RNF169: variants seen among roughly 807,000 people sequenced by gnomAD.
RNF169 encodes E3 ubiquitin-protein ligase RNF169.
Under a neutral mutation model 53.9 loss-of-function variants are expected in RNF169, and 24 were observed. That is an observed-to-expected ratio of 0.45 (90% CI 0.32 to 0.63). The LOEUF is 0.63. Ranked by LOEUF, RNF169 falls within the 20% of genes least tolerant of loss-of-function variation. RNF169 has a pLI of 0.04. For synonymous variants in RNF169, 396 were observed against 363.5 expected (o/e 1.09, Z -1.02); for missense variants, 883 against 906.2 (o/e 0.97, Z 0.33).
chr11:74,782,738 A>G (rs1252700476), intron 1 of RNF169, among the ~76,000 whole-genome samples: 1 of 152,140 alleles, frequency 6.6e-6, no homozygotes, highest in Non-Finnish European at 1.5e-5. Flanking sequence ...TTTATAACAT[A>G]TTAGTATAAC....
chr11:74,822,508 TAGAC>T (rs953420988), intron 4 of RNF169, among the ~76,000 whole-genome samples: 5 of 152,214 alleles, frequency 3.3e-5, no homozygotes, highest in African/African-American at 7.2e-5. Context: ...TGTGTTCAGA[TAGAC>T]AGAGCTTTCC....
At chr11:74,749,446 G>T (rs1026630178) in intron 1 of RNF169, 64 bp downstream of exon 1, 11 of 1,190,460 alleles carry the variant, frequency 9.2e-6, no homozygotes, top group Non-Finnish European at 1.0e-5. Context: ...GCCCGGCCTG[G>T]TGAGGGGGTG....
At chr11:74,782,439 A>G (rs2035429355) in intron 1 of RNF169, among the ~76,000 whole-genome samples, 1 of 152,182 alleles carries the variant, frequency 6.6e-6, no homozygotes, top group Non-Finnish European at 1.5e-5. Context: ...TGAACTGTGC[A>G]TGCAAGGGAT....
At chr11:74,803,775 C>T (rs2035766397) in intron 2 of RNF169, among the ~76,000 whole-genome samples, 1 of 152,090 alleles carries the variant, frequency 6.6e-6, no homozygotes, top group Admixed American at 6.6e-5. Context: ...GTATCCATCA[C>T]CTAGATTCAG....
chr11:74,809,184 T>G (rs1305518416), intron 2 of RNF169, among the ~76,000 whole-genome samples: 2 of 152,174 alleles, frequency 1.3e-5, no homozygotes, highest in African/African-American at 4.8e-5. Flanking sequence ...TTCTTTAGCT[T>G]AATTTTTTTC....
intron 4 of RNF169, among the ~76,000 whole-genome samples, chr11:74,819,883 A>G (rs1186936353): frequency 1.3e-5 from 2 of 152,134 alleles, no homozygotes; most frequent in Non-Finnish European, 2.9e-5. Context: ...CCGTAGCTAC[A>G]TTGTTTTGTT....
At chr11:74,790,460 G>A (rs2035563493) in intron 2 of RNF169, among the ~76,000 whole-genome samples, 1 of 152,214 alleles carries the variant, frequency 6.6e-6, no homozygotes, top group Non-Finnish European at 1.5e-5. Context: ...TATTGTCACA[G>A]GATCCTTGGG....
chr11:74,836,870 T>C lies in RNF169; in HGVS notation c.*140T>C, dbSNP rs937659022. The C allele has an allele frequency of 3.0e-6, 2 of 661,598 alleles. No homozygotes were observed. Among genetic ancestry groups the C allele is most frequent in the Non-Finnish European group, 5.0e-6 (2 of 400,070 alleles). The allele number at this position is 661,598 out of a possible 1,614,324, so 41.0% of individuals were successfully genotyped here. ...GTTCTGAGAGGTTCCAGGGCCTTTG[T>C]AGTCAATATCCAAGGGAAAAGCATC... On this transcript the variant is annotated 3_prime_UTR_variant, in exon 6 of 6. Transcript: ENST00000299563.
At chr11:74,754,906 C>G (rs190813033) in intron 1 of RNF169, among the ~76,000 whole-genome samples, 2 of 152,298 alleles carry the variant, frequency 1.3e-5, no homozygotes, top group East Asian at 3.9e-4. Flanking sequence ...TCTCAACTTC[C>G]CTGTTCACTT....
intron 1 of RNF169, among the ~76,000 whole-genome samples, chr11:74,777,652 ATT>A (rs35842788): frequency 5.4e-5 from 8 of 146,860 alleles, no homozygotes; most frequent in Admixed American, 6.8e-5. Flanking sequence ...GTTGTCTTAA[ATT>A]TTTTTTTTTT....
intron 2 of RNF169, among the ~76,000 whole-genome samples, chr11:74,797,847 C>T (rs2035671497): frequency 6.6e-6 from 1 of 152,168 alleles, no homozygotes; most frequent in South Asian, 2.1e-4. Context: ...CGGCTGAAGC[C>T]ATGGCAGAAG....
intron 2 of RNF169, among the ~76,000 whole-genome samples, chr11:74,801,197 A>G (rs1056123604): frequency 1.3e-5 from 2 of 152,172 alleles, no homozygotes; most frequent in African/African-American, 2.4e-5. Context: ...CTTTGGTGCT[A>G]TTTATGTGGT....
At chr11:74,811,760 C>G (rs367952776) in intron 3 of RNF169, among the ~76,000 whole-genome samples, 5 of 152,118 alleles carry the variant, frequency 3.3e-5, no homozygotes, top group African/African-American at 1.2e-4. Flanking sequence ...ACTCTTAATG[C>G]TCTGAACATT....
chr11:74,754,546 C>T (rs116970813), intron 1 of RNF169, among the ~76,000 whole-genome samples: 5,797 of 152,224 alleles, frequency 0.038, 183 homozygotes, highest in Non-Finnish European at 0.053. Flanking sequence ...ATAGGCCAGG[C>T]GCGGTGGCTC....
chr11:74,831,883 G>C (rs2036184177), intron 4 of RNF169: 1 of 152,146 alleles, frequency 6.6e-6, no homozygotes, highest in African/African-American at 2.4e-5. Flanking sequence ...AGGGTGCCAA[G>C]ACCATTCAGT....
intron 1 of RNF169, among the ~76,000 whole-genome samples, chr11:74,781,571 A>T (rs2035417329): frequency 6.6e-6 from 1 of 152,250 alleles, no homozygotes; most frequent in East Asian, 1.9e-4. Flanking sequence ...GTACACATAT[A>T]TATCTTTAAG....
chr11:74,804,844 A>G (rs927030038), intron 2 of RNF169, among the ~76,000 whole-genome samples: 2 of 152,236 alleles, frequency 1.3e-5, no homozygotes, highest in Non-Finnish European at 2.9e-5. Context: ...GAATATATAA[A>G]GAACTCTTGC....
chr11:74,804,783 A>G (rs2035781549), intron 2 of RNF169, among the ~76,000 whole-genome samples: 1 of 152,204 alleles, frequency 6.6e-6, no homozygotes, highest in African/African-American at 2.4e-5. Flanking sequence ...AGTTTCTGAG[A>G]ACCTATGGAC....
chr11:74,836,023 GAGA>G lies in RNF169; in HGVS notation c.1423_1425del (p.Lys475del). On this transcript the variant is annotated inframe_deletion, in exon 6 of 6. Transcript: ENST00000299563. Reference sequence around the variant, plus strand: ...CTCTGAAGGTATCCATTCTAGCAAGGAGAAGCCACTTGTGGCTGTAAATACAAG... The same window carrying G: ...CTCTGAAGGTATCCATTCTAGCAAGGAGCCACTTGTGGCTGTAAATACAAG... 1 of 1,614,188 alleles carries G rather than the reference GAGA, an allele frequency of 6.2e-7. No homozygotes were observed. Among genetic ancestry groups the G allele is most frequent in the Non-Finnish European group, 8.5e-7 (1 of 1,180,036 alleles).
Sources: allele counts gnomAD v4.1 joint callset (sites outside exome capture counted in the v4.1 genomes callset), GRCh38; gene constraint gnomAD v4.1.1; transcripts MANE v1.5; gene names NCBI Gene and HGNC (gene_info 2026-07-23, HGNC 2026-07-21).